Variants in PRMT2 observed in about 807,000 individuals in gnomAD.
The protein encoded by PRMT2 is protein arginine N-methyltransferase 2.
In PRMT2, 26 loss-of-function variants were observed where a neutral mutation model predicts 57.6. That is an observed-to-expected ratio of 0.45 (90% CI 0.33 to 0.63). The LOEUF is 0.63. Ranked by LOEUF, PRMT2 falls within the 20% of genes least tolerant of loss-of-function variation. PRMT2 has a pLI of 0.02. For missense variants in PRMT2, 472 were observed against 564.4 expected (o/e 0.84, Z 1.66); for synonymous variants, 219 against 220.0 (o/e 1.00, Z 0.04).
intron 7 of PRMT2, chr21:46,654,009 G>T (rs1325778916): frequency 5.0e-6 from 5 of 995,032 alleles, no homozygotes; most frequent in Non-Finnish European, 4.8e-6. Context: ...TTAATCAGCA[G>T]CTTGCACTTC....
At chr21:46,659,297 G>T in intron 8 of PRMT2, 4 of 1,014,054 alleles carry the variant, frequency 3.9e-6, no homozygotes, top group Non-Finnish European at 4.7e-6. Flanking sequence ...ATCCATGGGG[G>T]CCTGTGTGCA....
At chr21:46,658,685 A>G (rs1299221076) in intron 7 of PRMT2, 60 bp from the exon 8 acceptor site, 13 of 1,584,632 alleles carry the variant, frequency 8.2e-6, no homozygotes, top group Non-Finnish European at 1.1e-5. Flanking sequence ...TGGTGGTGAG[A>G]GGCCTGTGCA....
In PRMT2 at chr21:46,648,665, G is replaced by A. The variant is rs747539636; in HGVS notation, c.489+46G>A. The A allele has an allele frequency of 3.4e-5, 55 of 1,599,138 alleles. No individual in the cohort carries two copies. The highest frequency in any genetic ancestry group is 4.4e-5 in the Non-Finnish European group (52 of 1,169,578). ...ATCCCGGGTGTTTGTGCCGAGGCTG[G>A]TGACGTCCGAGGTGGCCTCTGAGTG... On this transcript the variant is annotated intron_variant, in intron 6 of 11. Transcript: ENST00000355680. This position sits in a 1 kb window ranked among gnomAD's most constrained non-coding sequence, Gnocchi z 4.8.
chr21:46,664,560 G>A lies in PRMT2; in HGVS notation c.*233G>A, dbSNP rs2061676132. 4 of 596,234 alleles carry A rather than the reference G, an allele frequency of 6.7e-6. No homozygotes were observed. The South Asian group carries it at 7.8e-5, about 12-fold the overall frequency. The allele number at this position is 596,234 out of a possible 1,614,324, so 36.9% of individuals were successfully genotyped here. A position where few individuals can be genotyped will look rare whatever the true frequency, so the allele number is the denominator to read the frequency against. On this transcript the variant is annotated 3_prime_UTR_variant, in exon 12 of 12. Transcript: ENST00000355680. ...GCTGCCCAGTGTCTGCCCTCTAGAA[G>A]TAGGCTGTGTTTCCAGGTGTTCACC...
chr21:46,662,266 C>G (rs2061641181), intron 10 of PRMT2, among the ~76,000 whole-genome samples: 1 of 152,172 alleles, frequency 6.6e-6, no homozygotes, highest in South Asian at 2.1e-4. Flanking sequence ...CAAAGCGCCT[C>G]CACGGGGCGT....
intron 8 of PRMT2, chr21:46,659,326 T>G: frequency 1.0e-6 from 1 of 991,542 alleles, no homozygotes; most frequent in Non-Finnish European, 1.2e-6. Flanking sequence ...GGTGGAGAAA[T>G]GAGCAGCAAC....
intron 3 of PRMT2, among the ~76,000 whole-genome samples, chr21:46,640,744 C>A (rs915444786): frequency 2.7e-5 from 4 of 150,796 alleles, no homozygotes; most frequent in Non-Finnish European, 5.9e-5. Flanking sequence ...CCACCATTAT[C>A]TCTTCATTTA....
intron 3 of PRMT2, among the ~76,000 whole-genome samples, chr21:46,641,995 A>G (rs561388691): frequency 6.6e-6 from 1 of 152,318 alleles, no homozygotes; most frequent in South Asian, 2.1e-4. Context: ...CCACACAAAG[A>G]GAGGGAAATG....
chr21:46,643,444 T>G, intron 3 of PRMT2, 91 bp from the exon 4 acceptor site: 1 of 1,391,772 alleles, frequency 7.2e-7, no homozygotes, highest in Non-Finnish European at 9.3e-7. Context: ...GAATCTGTAT[T>G]TGAAATTTGA....
At position 46,664,318 on chromosome 21, in the gene PRMT2, C is replaced by T; in HGVS notation, c.1293C>T (p.Ile431=). ...AGGTTGGAGAAAAAGTCTTCCCCATCTGGAGATGACAGTTGATGCTTTATT... is the reference window on the plus strand; with the variant it reads ...AGGTTGGAGAAAAAGTCTTCCCCATTTGGAGATGACAGTTGATGCTTTATT... The part of the protein sequence containing the change: ...SQKVGEKVFP[I]WR Residue 431 remains isoleucine, a synonymous_variant, in exon 12 of 12, where the codon ATC becomes ATT. Coordinates refer to ENST00000355680, the MANE Select transcript of PRMT2 (RefSeq NM_206962.4). The T allele has an allele frequency of 6.2e-7, 1 of 1,613,968 alleles. No individual in the cohort carries two copies. Among genetic ancestry groups the T allele is most frequent in the African/African-American group, 1.3e-5 (1 of 75,042 alleles).
At chr21:46,663,642 G>C in intron 11 of PRMT2, 88 bp downstream of exon 11, 6 of 1,380,158 alleles carry the variant, frequency 4.3e-6, no homozygotes, top group East Asian at 4.8e-5. Context: ...GCAGATGCTG[G>C]CCCACACTGG....
At chr21:46,660,984 C>G (rs113970410) in intron 9 of PRMT2, 22 bp downstream of exon 9, 59,204 of 1,604,664 alleles carry the variant, frequency 0.037, 1,266 homozygotes, top group Middle Eastern at 0.077. Context: ...ATGAATTGCT[C>G]CTTACATTCG....
chr21:46,641,549 G>A (rs1038343829), intron 3 of PRMT2, among the ~76,000 whole-genome samples: 6 of 152,082 alleles, frequency 3.9e-5, no homozygotes, highest in Admixed American at 6.6e-5. Flanking sequence ...AAAATTAGCC[G>A]GGCGTAGTGA....
chr21:46,663,854 G>A (rs2061666174), intron 11 of PRMT2, among the ~76,000 whole-genome samples: 2 of 152,290 alleles, frequency 1.3e-5, no homozygotes, highest in South Asian at 4.1e-4. Context: ...TGTCCAGAGG[G>A]TCCCCCAGAT....
rs536116771 is a variant in PRMT2, at chr21:46,640,096, CT to C, written c.39+3114del. The stretch of plus-strand genomic sequence containing the variant: ...GTATGCATCCTAATTCAATTTCAGT[CT>C]TTTTTTTAACTACTTCATAAGGTAA... On this transcript the variant is annotated intron_variant, in intron 3 of 11. Transcript: ENST00000355680. Among the ~76,000 whole-genome samples the C allele has an allele frequency of 4.6e-4, 70 of 152,006 alleles. 1 individual carries two copies. Among genetic ancestry groups the C allele is most frequent in the African/African-American group, 1.7e-3 (69 of 41,464 alleles).
intron 3 of PRMT2, among the ~76,000 whole-genome samples, chr21:46,640,590 C>T (rs1257109339): frequency 6.6e-6 from 1 of 151,886 alleles, no homozygotes; most frequent in Non-Finnish European, 1.5e-5. Flanking sequence ...TACAGGTGAC[C>T]ACCACCACGC....
chr21:46,636,901 G>A lies in PRMT2; in HGVS notation c.-51G>A. ...CCTTCTCTTTTTAAAAGTAGAAATGGAAAAGAAAATGAAATAAATCAGCAG... is the reference window on the plus strand; with the variant it reads ...CCTTCTCTTTTTAAAAGTAGAAATGAAAAAGAAAATGAAATAAATCAGCAG... On this transcript the variant is annotated 5_prime_UTR_variant, in exon 3 of 12. The change creates a premature stop within an existing upstream ORF in the 5' untranslated region. Transcript: ENST00000355680. 6.3e-7 allele frequency: 1 copy of A among 1,576,068 alleles called. No individual in the cohort carries two copies. Among genetic ancestry groups the A allele is most frequent in the Non-Finnish European group, 8.6e-7 (1 of 1,156,648 alleles).
At chr21:46,637,340 A>G (rs970642481) in intron 3 of PRMT2, among the ~76,000 whole-genome samples, 1 of 152,258 alleles carries the variant, frequency 6.6e-6, no homozygotes, top group Admixed American at 6.5e-5. Flanking sequence ...CAAGTTGGAC[A>G]CATTAGAAAA....
chr21:46,653,380 G>C, intron 7 of PRMT2: 6 of 985,426 alleles, frequency 6.1e-6, no homozygotes, highest in South Asian at 9.4e-5. Context: ...AAGGCTGTTT[G>C]CACATATTTA....
Sources: gnomAD v4.1 joint callset for allele counts (sites outside exome capture counted in the v4.1 genomes callset) on GRCh38, gnomAD v4.1.1 for gene constraint, Gnocchi (gnomAD v3.1) non-coding constraint, MANE v1.5 for transcripts, NCBI Gene and HGNC (gene_info 2026-07-23, HGNC 2026-07-21) for gene names.